ANAPC1: variants seen among roughly 807,000 people sequenced by gnomAD.
ANAPC1 encodes the protein anaphase-promoting complex subunit 1.
Under a neutral mutation model 208.0 loss-of-function variants are expected in ANAPC1, and 36 were observed. The observed-to-expected ratio is 0.17, with a 90% confidence interval of 0.13 to 0.23. ANAPC1 has a LOEUF of 0.23. ANAPC1 is among the 10% of genes least tolerant of loss of function. The pLI, the probability that ANAPC1 is intolerant of heterozygous loss-of-function variation, is 1.00. For missense variants in ANAPC1, 942 were observed against 2,011.6 expected (o/e 0.47, Z 10.17); for synonymous variants, 378 against 695.2 (o/e 0.54, Z 7.18).
intron 3 of ANAPC1, among the ~76,000 whole-genome samples, chr2:111,876,755 T>C (rs978697722): frequency 6.6e-6 from 1 of 152,280 alleles, no homozygotes; most frequent in South Asian, 2.1e-4. Flanking sequence ...CATCAGGAAA[T>C]AGTTAACGGT....
chr2:111,825,978 G>A lies in ANAPC1; in HGVS notation c.2626-123C>T, dbSNP rs562046808. ...TGCAGCCTCAAACTCCTTGGCTCAA[G>A]CAATCTTCCTGCTTCAGTCTCCAGA... On this transcript the variant is annotated intron_variant, in intron 21 of 47. Transcript: ENST00000341068. 192 of 741,380 alleles carry A rather than the reference G, an allele frequency of 2.6e-4. 1 individual carries two copies. In the Middle Eastern group the frequency reaches 2.8e-3, roughly 11 times the overall value. 45.9% of individuals were successfully genotyped at this position (741,380 alleles called of 1,614,324 possible).
chr2:111,839,080 G>C (rs1380333162), intron 17 of ANAPC1, among the ~76,000 whole-genome samples: 3 of 152,116 alleles, frequency 2.0e-5, no homozygotes, highest in East Asian at 3.9e-4. Context: ...ATTATAAATG[G>C]AAGTCACTGT....
At chr2:111,852,351 T>G (rs1207247361) in intron 13 of ANAPC1, among the ~76,000 whole-genome samples, 1 of 151,482 alleles carries the variant, frequency 6.6e-6, no homozygotes, top group Non-Finnish European at 1.5e-5. Flanking sequence ...AACACAGACA[T>G]GCCAACGTTC....
At chr2:111,844,712 G>C (rs1680960165) in intron 16 of ANAPC1, among the ~76,000 whole-genome samples, 1 of 152,082 alleles carries the variant, frequency 6.6e-6, no homozygotes, top group Non-Finnish European at 1.5e-5. Context: ...AGCATTACAT[G>C]ATGTTCTAAA....
At chr2:111,870,878 T>TA (rs201091772) in intron 6 of ANAPC1, among the ~76,000 whole-genome samples, 21 of 152,050 alleles carry the variant, frequency 1.4e-4, no homozygotes, top group South Asian at 6.2e-4. Context: ...AGGTGAGAGA[T>TA]AAAAAAAACC....
chr2:111,853,425 T>C (rs1425598716), intron 13 of ANAPC1, among the ~76,000 whole-genome samples: 2 of 152,148 alleles, frequency 1.3e-5, no homozygotes, highest in Non-Finnish European at 2.9e-5. Flanking sequence ...ACTCTTCAAG[T>C]TTGATCATAA....
At chr2:111,838,371 C>T in intron 18 of ANAPC1, 67 bp downstream of exon 18, 1 of 1,315,896 alleles carries the variant, frequency 7.6e-7, no homozygotes, top group East Asian at 2.5e-5. Context: ...AGGAATACCA[C>T]AGAAGTGGAA....
chr2:111,799,117 A>AT lies in ANAPC1; in HGVS notation c.4296+1679dup, dbSNP rs1021180054. 2.6e-5 allele frequency among the ~76,000 whole-genome samples: 4 copies of AT among 152,188 alleles called. No individual in the cohort carries two copies. The East Asian group carries it at 7.7e-4, about 29-fold the overall frequency. ...CAGCAACGCAGTAATAAAAATACAA[A>AT]TTTTTTTAAAAAATAAGCAAAAGAC... On this transcript the variant is annotated intron_variant, in intron 34 of 47. Transcript: ENST00000341068.
At chr2:111,859,456 A>G (rs1325060604) in intron 10 of ANAPC1, among the ~76,000 whole-genome samples, 2 of 151,798 alleles carry the variant, frequency 1.3e-5, no homozygotes, top group Admixed American at 6.6e-5. Flanking sequence ...GGGCAACAAG[A>G]GCGAAACTCT....
chr2:111,777,242 C>A (rs1302890664), intron 45 of ANAPC1, among the ~76,000 whole-genome samples, 185 bp from the exon 46 acceptor site: 4 of 152,124 alleles, frequency 2.6e-5, no homozygotes, highest in African/African-American at 9.7e-5. Flanking sequence ...GCATGGCTCA[C>A]CTCCTTCAAT....
chr2:111,880,357 A>G (rs1185311468), intron 2 of ANAPC1: 9 of 545,470 alleles, frequency 1.6e-5, no homozygotes, highest in Non-Finnish European at 2.1e-5. Flanking sequence ...GGGCAAAAAG[A>G]GCAAAACTTC....
intron 39 of ANAPC1, among the ~76,000 whole-genome samples, chr2:111,787,759 T>G (rs1038149808): frequency 6.7e-5 from 10 of 150,280 alleles, no homozygotes; most frequent in Non-Finnish European, 1.2e-4. Context: ...TCTGGTTTTT[T>G]GCTGTATTTT....
chr2:111,880,609 G>T lies in ANAPC1; in HGVS notation c.213+4C>A. ...CAAAAACACAATGGGAAACTCAATG[G>T]AACCTTCTGTTTCTCGTGGATTGTA... On this transcript the variant is annotated splice_donor_region_variant and intron_variant, in intron 2 of 47. Transcript: ENST00000341068. 2.5e-6 allele frequency: 4 copies of T among 1,606,520 alleles called. No individual in the cohort carries two copies. The highest frequency in any genetic ancestry group is 3.4e-6 in the Non-Finnish European group (4 of 1,176,486).
intron 13 of ANAPC1, among the ~76,000 whole-genome samples, chr2:111,856,039 C>A (rs373185907): frequency 9.2e-5 from 14 of 152,148 alleles, no homozygotes; most frequent in African/African-American, 3.4e-4. Flanking sequence ...ATCGAGACCA[C>A]CCTGGCTAAC....
chr2:111,817,778 CCTA>C (rs1289216270), intron 27 of ANAPC1, among the ~76,000 whole-genome samples: 2 of 93,942 alleles, frequency 2.1e-5, no homozygotes, highest in Non-Finnish European at 5.0e-5. Flanking sequence ...ACTATACACT[CCTA>C]CAACATACAT....
In ANAPC1 at chr2:111,843,426, C is replaced by T. The variant is rs1340627447; in HGVS notation, c.2026G>A (p.Ala676Thr). 5.0e-6 allele frequency: 8 copies of T among 1,611,958 alleles called. No homozygotes were observed. Among genetic ancestry groups the T allele is most frequent in the Non-Finnish European group, 6.8e-6 (8 of 1,179,846 alleles). The change falls in exon 17 of 48, where the codon GCA becomes ACA. Residue 676 changes from alanine to threonine, a missense_variant. Physicochemically the swap from Ala to Thr is moderately conservative, Grantham distance 58. Transcript: ENST00000341068. The part of the protein sequence containing the change: ...NMMGYNTDRL[A>T]WTRNFDFEGS... ...TATTTACTTACATTTCTAGTCCATG[C>T]TAAGCGGTCTGTGTTATAACCCATC...
At chr2:111,835,863 A>T (rs2104473122) in intron 18 of ANAPC1, among the ~76,000 whole-genome samples, 1 of 152,094 alleles carries the variant, frequency 6.6e-6, no homozygotes, top group East Asian at 1.9e-4. Context: ...AAAATAAAAT[A>T]AAAAACTGAT....
At chr2:111,809,396 CAAT>C (rs1243383204) in intron 28 of ANAPC1, among the ~76,000 whole-genome samples, 1 of 107,282 alleles carries the variant, frequency 9.3e-6, no homozygotes, top group Non-Finnish European at 1.9e-5. Context: ...AAAAGTAGTA[CAAT>C]AAGAAAGTAC....
chr2:111,801,265 A>G (rs1260034385), intron 33 of ANAPC1, among the ~76,000 whole-genome samples: 1 of 151,322 alleles, frequency 6.6e-6, no homozygotes, highest in Non-Finnish European at 1.5e-5. Context: ...GCTGAGGAAC[A>G]AGAATAGCTT....
Sources: gnomAD v4.1 joint callset for allele counts (sites outside exome capture counted in the v4.1 genomes callset) on GRCh38, gnomAD v4.1.1 for gene constraint, MANE v1.5 for transcripts, NCBI Gene and HGNC (gene_info 2026-07-23, HGNC 2026-07-21) for gene names.